The following PCDHGB2 variants were observed in gnomAD, a reference collection of about 807,000 sequenced individuals.
PCDHGB2 encodes the protein protocadherin gamma subfamily B, 2, also known as protocadherin gamma-B2.
PCDHGB2 carries 55 observed loss-of-function variants against 59.3 expected under a neutral mutation model. The ratio of observed to expected loss-of-function variants is 0.93; its 90% CI spans 0.75 to 1.16. The LOEUF (loss-of-function observed/expected upper bound fraction) is 1.16, where lower values mean the gene tolerates loss of function less well. PCDHGB2 is among the 50% of genes most tolerant of loss of function. The pLI is 0.00. For missense variants in PCDHGB2, 1,228 were observed against 1,198.5 expected (o/e 1.02, Z -0.36); for synonymous variants, 516 against 512.0 (o/e 1.01, Z -0.11).
intron 1 of PCDHGB2, among the ~76,000 whole-genome samples, chr5:141,401,300 C>A (rs1169689828): frequency 1.3e-5 from 2 of 152,200 alleles, no homozygotes; most frequent in African/African-American, 4.8e-5. Context: ...CGAGATCACT[C>A]CATTGCATTC....
At chr5:141,474,062 C>A (rs745636246) in intron 1 of PCDHGB2, among the ~76,000 whole-genome samples, 2 of 152,104 alleles carry the variant, frequency 1.3e-5, no homozygotes, top group Non-Finnish European at 2.9e-5. Context: ...AGAGCGAGAT[C>A]CTGCCTCAGA....
chr5:141,412,415 T>C (rs897201034), intron 1 of PCDHGB2: 5 of 152,248 alleles, frequency 3.3e-5, no homozygotes, highest in Non-Finnish European at 4.4e-5. Context: ...AGATAAAGTA[T>C]GTTTTACACA....
chr5:141,478,612 G>A (rs1311028260), intron 1 of PCDHGB2: 2 of 1,558,218 alleles, frequency 1.3e-6, no homozygotes, highest in African/African-American at 1.4e-5. Flanking sequence ...TATTGAGGAA[G>A]GAATGGAGCT....
intron 2 of PCDHGB2, among the ~76,000 whole-genome samples, chr5:141,500,184 T>TTTTTTTTATTTATTTA (rs1554186429): frequency 7.4e-6 from 1 of 135,886 alleles, no homozygotes; most frequent in African/African-American, 2.7e-5. Flanking sequence ...TCATTTTTAT[T>TTTTTTTTATTTATTTA]TTTATTTATT....
rs35482758 is a variant in PCDHGB2, at chr5:141,473,653, G to A, written c.2422-21154G>A. On this transcript the variant is annotated intron_variant, in intron 1 of 3. Coordinates refer to ENST00000522605, the MANE Select transcript of PCDHGB2 (RefSeq NM_018923.3). ...AGCTTTCCTGGCAAAGGAACAATTT[G>A]TGTGAAGGCCCTGAGACAGGGAAGG... Among the ~76,000 whole-genome samples, 302 of 152,274 alleles carry A rather than the reference G, an allele frequency of 2.0e-3. 1 individual carries two copies. Among genetic ancestry groups the A allele is most frequent in the Middle Eastern group, 0.01 (3 of 294 alleles).
chr5:141,376,170 C>T (rs1415388106), intron 1 of PCDHGB2: 2 of 1,614,112 alleles, frequency 1.2e-6, no homozygotes, highest in South Asian at 1.1e-5. Flanking sequence ...CTGGTGGTGG[C>T]GGTGGCCGCG....
At chr5:141,390,865 T>C (rs982852872) in intron 1 of PCDHGB2, 3 of 151,096 alleles carry the variant, frequency 2.0e-5, no homozygotes, top group Non-Finnish European at 2.9e-5. Context: ...ACGCTGTGTG[T>C]GCGTGTGTGT....
chr5:141,451,326 G>T (rs189445228), intron 1 of PCDHGB2, among the ~76,000 whole-genome samples: 3 of 152,278 alleles, frequency 2.0e-5, no homozygotes, highest in Admixed American at 2.0e-4. Context: ...GTCACCTAAG[G>T]CTATTGTCTT....
At chr5:141,416,553 ACT>A (rs932477065) in intron 1 of PCDHGB2, 2 of 152,100 alleles carry the variant, frequency 1.3e-5, no homozygotes, top group Non-Finnish European at 2.9e-5. Context: ...AACACCTGAA[ACT>A]CTGAAAACTC....
chr5:141,362,453 A>T lies in PCDHGB2; in HGVS notation c.2318A>T (p.Glu773Val). The T allele has an allele frequency of 6.2e-7, 1 of 1,614,024 alleles. No individual in the cohort carries two copies. Among genetic ancestry groups the T allele is most frequent in the Non-Finnish European group, 8.5e-7 (1 of 1,179,898 alleles). ...TTCAATTTTCTGAACATAACCCCGG[A>T]ATTGGTTCCCGCGCAAGATCTCGTC... ...TEFNFLNITPELVPAQDLVCD... is the reference protein window; with the variant it reads ...TEFNFLNITPVLVPAQDLVCD... Residue 773 changes from glutamate to valine, a missense_variant, in exon 1 of 4, where the codon GAA becomes GTA. By Grantham distance (121) the Glu-to-Val change is moderately radical. Transcript: ENST00000522605.
chr5:141,366,854 C>A (rs1018356495), intron 1 of PCDHGB2: 8 of 1,453,350 alleles, frequency 5.5e-6, no homozygotes, highest in Non-Finnish European at 7.4e-6. Context: ...AATAGTGGAA[C>A]ATTATTTGCT....
chr5:141,403,773 A>T, intron 1 of PCDHGB2: 1 of 1,613,956 alleles, frequency 6.2e-7, no homozygotes, highest in South Asian at 1.1e-5. Context: ...GAGGGAATCA[A>T]CGGAAAAGTG....
Position 141,490,809 on chromosome 5 carries a change from C to T in PCDHGB2, c.2422-3998C>T. On this transcript the variant is annotated intron_variant, in intron 1 of 3. Transcript: ENST00000522605. The surrounding 1 kb of genome is among the most constrained non-coding windows in gnomAD (Gnocchi z 5.4). Reference sequence around the variant, plus strand: ...GGATCTTTGCCCAGCGTACCTTTGACTATGAATTGCTGCAGATGCTGCAGA... The same window carrying T: ...GGATCTTTGCCCAGCGTACCTTTGATTATGAATTGCTGCAGATGCTGCAGA... 2 of 1,613,954 alleles carry T rather than the reference C, an allele frequency of 1.2e-6. No individual in the cohort carries two copies. Among genetic ancestry groups the T allele is most frequent in the South Asian group, 2.2e-5 (2 of 91,076 alleles).
intron 1 of PCDHGB2, among the ~76,000 whole-genome samples, chr5:141,462,990 A>T (rs181384059): frequency 1.8e-3 from 278 of 152,244 alleles, no homozygotes; most frequent in Non-Finnish European, 3.4e-3. Context: ...GCCTTGGGCT[A>T]ATTTAGACCT....
chr5:141,393,742 A>T, intron 1 of PCDHGB2: 1 of 1,613,902 alleles, frequency 6.2e-7, no homozygotes, highest in Non-Finnish European at 8.5e-7. Flanking sequence ...CTAGATTATG[A>T]AGAATGTTCA....
At chr5:141,398,392 A>AGG in intron 1 of PCDHGB2, 1 of 1,456,392 alleles carries the variant, frequency 6.9e-7, no homozygotes, top group Non-Finnish European at 9.5e-7. Flanking sequence ...TGTGAGCAGC[A>AGG]GGCTAGACAG....
intron 1 of PCDHGB2, among the ~76,000 whole-genome samples, chr5:141,425,427 A>G (rs925551543): frequency 2.2e-4 from 33 of 152,362 alleles, no homozygotes; most frequent in Non-Finnish European, 4.1e-4. Flanking sequence ...GTCCCATTAA[A>G]TAGAGGATAA....
Position 141,485,575 on chromosome 5 carries a change from G to C in PCDHGB2, c.2422-9232G>C, listed in dbSNP as rs1200831125. On this transcript the variant is annotated intron_variant, in intron 1 of 3. Coordinates refer to ENST00000522605, the MANE Select transcript of PCDHGB2 (RefSeq NM_018923.3). This position sits in a 1 kb window ranked among gnomAD's most constrained non-coding sequence, Gnocchi z 5.7. ...TGAATGATCACGCCCCCCGTTTTCC[G>C]CGGCAGCAGCTGGACTTGGAAATTG... 2 of 1,612,496 alleles carry C rather than the reference G, an allele frequency of 1.2e-6. No homozygotes were observed. The highest frequency in any genetic ancestry group is 2.7e-5 in the African/African-American group (2 of 74,918).
intron 1 of PCDHGB2, chr5:141,364,635 G>A (rs1211803490): frequency 2.5e-6 from 4 of 1,614,038 alleles, no homozygotes; most frequent in African/African-American, 1.3e-5. Context: ...AGCCCACTGT[G>A]TGTGGTGAAC....
Sources: gnomAD v4.1 joint callset for allele counts (sites outside exome capture counted in the v4.1 genomes callset) on GRCh38, gnomAD v4.1.1 for gene constraint, Gnocchi (gnomAD v3.1) non-coding constraint, MANE v1.5 for transcripts, NCBI Gene and HGNC (gene_info 2026-07-23, HGNC 2026-07-21) for gene names.